ARSL: variants seen among roughly 807,000 people sequenced by gnomAD.
The protein encoded by ARSL is arylsulfatase E (chondrodysplasia punctata 1).
ARSL carries 4 observed loss-of-function variants against 31.1 expected under a neutral mutation model. The observed-to-expected ratio is 0.13, with a 90% CI of 0.06 to 0.29. The LOEUF (loss-of-function observed/expected upper bound fraction) is 0.29, where lower values mean the gene tolerates loss of function less well. Ranked by LOEUF, ARSL falls within the 10% of genes least tolerant of loss-of-function variation. ARSL has a pLI of 1.00. For synonymous variants in ARSL, 198 were observed against 209.9 expected (o/e 0.94, Z 0.49); for missense variants, 312 against 497.8 (o/e 0.63, Z 3.55).
At chrX:2,950,255 G>A (rs1163295823) in intron 5 of ARSL, among the ~76,000 whole-genome samples, 1 of 111,853 alleles carries the variant, frequency 8.9e-6, no homozygotes, top group African/African-American at 3.2e-5. Context: ...GCCCACTGTA[G>A]AGACCTCATC....
chrX:2,960,552 C>T, intron 1 of ARSL, 132 bp from the exon 2 acceptor site: 2 of 606,196 alleles, frequency 3.3e-6, no homozygotes, highest in South Asian at 2.9e-5. Flanking sequence ...TATCTTAAAA[C>T]AATGATCAAA....
intron 10 of ARSL, 111 bp from the exon 11 acceptor site, chrX:2,935,301 G>C: frequency 1.5e-6 from 1 of 686,773 alleles, no homozygotes; most frequent in Non-Finnish European, 2.3e-6. Context: ...GTCCATCGAT[G>C]GATGGACAGA....
At chrX:2,962,490 A>G (rs2089651452) in intron 1 of ARSL, among the ~76,000 whole-genome samples, 2 of 108,954 alleles carry the variant, frequency 1.8e-5, no homozygotes, top group African/African-American at 6.6e-5. Context: ...GTGTCTGTCC[A>G]GGTGAAACCT....
At chrX:2,945,020 G>A (rs1034236478) in intron 7 of ARSL, among the ~76,000 whole-genome samples, 1 of 110,227 alleles carries the variant, frequency 9.1e-6, no homozygotes, top group African/African-American at 3.3e-5. Flanking sequence ...AGAAGAAGAA[G>A]AAGAAGAGGG....
chrX:2,943,641 C>G (rs775287066), intron 7 of ARSL, among the ~76,000 whole-genome samples: 47 of 100,854 alleles, frequency 4.7e-4, no homozygotes, highest in Non-Finnish European at 8.0e-4. Flanking sequence ...ACTTGGGAGG[C>G]TGAGGCAGGA....
At chrX:2,946,198 G>C in intron 6 of ARSL, 64 bp from the exon 7 acceptor site, 2 of 1,063,365 alleles carry the variant, frequency 1.9e-6, no homozygotes, top group Non-Finnish European at 2.6e-6. Flanking sequence ...AAGTCCTGTA[G>C]ATACTAAATA....
At chrX:2,960,707 A>G (rs974695071) in intron 1 of ARSL, among the ~76,000 whole-genome samples, 4 of 111,403 alleles carry the variant, frequency 3.6e-5, no homozygotes, top group East Asian at 2.8e-4. Flanking sequence ...CATCCCCTTT[A>G]TCAGCTTTCA....
At chrX:2,957,720 AAAAAAG>A (rs2089545941) in intron 3 of ARSL, among the ~76,000 whole-genome samples, 1 of 109,586 alleles carries the variant, frequency 9.1e-6, no homozygotes. Context: ...AAAAAAAAAA[AAAAAAG>A]AAAAGAAATG....
At chrX:2,944,689 A>G (rs1751630114) in intron 7 of ARSL, among the ~76,000 whole-genome samples, 1 of 109,869 alleles carries the variant, frequency 9.1e-6, no homozygotes, top group Non-Finnish European at 1.9e-5. Context: ...TTTGGGAGGC[A>G]GGGATGTGCT....
chrX:2,948,647 C>G lies in ARSL; in HGVS notation c.854+657G>C, dbSNP rs769086146. ...CTGGGCCTACAAGTCCATGCCACCA[C>G]AGCCAGCTAATTTTTAAAATTTTTG... On this transcript the variant is annotated intron_variant, in intron 6 of 10. Transcript: ENST00000381134. Among the ~76,000 whole-genome samples, 25 of 111,356 alleles carry G rather than the reference C, an allele frequency of 2.2e-4. No homozygotes were observed. In the Admixed American group the frequency reaches 2.4e-3, roughly 11 times the overall value.
At chrX:2,953,051 A>G in intron 5 of ARSL, 92 bp downstream of exon 5, 1 of 1,057,584 alleles carries the variant, frequency 9.5e-7, no homozygotes, top group Non-Finnish European at 1.3e-6. Flanking sequence ...GAAATCCCAC[A>G]GCACCTCACC....
rs756748112 is a variant in ARSL at position 2,962,872 on chromosome X, C to T, written c.-21+1352G>A. Among the ~76,000 whole-genome samples, 5 of 111,413 alleles carry T rather than the reference C, an allele frequency of 4.5e-5. No homozygotes were observed. The South Asian group carries it at 1.2e-3, about 26-fold the overall frequency. Reference sequence around the variant, plus strand: ...TCTGATTGCCTCCTTTGGAAAGGCTCATCAGAAACTCAAAAGAAGGCAACT... The same window carrying T: ...TCTGATTGCCTCCTTTGGAAAGGCTTATCAGAAACTCAAAAGAAGGCAACT... On this transcript the variant is annotated intron_variant, in intron 1 of 10. Coordinates refer to ENST00000381134, the MANE Select transcript of ARSL (RefSeq NM_000047.3).
chrX:2,949,357 G>C lies in ARSL; in HGVS notation c.801C>G (p.Cys267Trp). The change falls in exon 6 of 11, where the codon TGC (cysteine) becomes TGG (tryptophan). Residue 267 changes from cysteine (C) to tryptophan (W), a missense_variant. Coordinates refer to ENST00000381134, the MANE Select transcript of ARSL (RefSeq NM_000047.3). ...RNHTITEQPM[C>W]FQRTTPLILQ... ...GAATAAGGGGTGTCGTTCTTTGGAA[G>C]CACATGGGCTGCTCCGTGATGGTGT... The C allele has an allele frequency of 8.3e-7, 1 of 1,211,835 alleles. No individual in the cohort carries two copies. The highest frequency in any genetic ancestry group is 1.7e-5 in the African/African-American group (1 of 57,796).
rs754500316 is a variant in ARSL, at chrX:2,938,221, C to A, written c.1163G>T (p.Arg388Leu). 1.7e-6 allele frequency: 2 copies of A among 1,210,763 alleles called. No homozygotes were observed. Among genetic ancestry groups the A allele is most frequent in the East Asian group, 5.9e-5 (2 of 33,744 alleles). ...KGMGGWEGGI[R>L]VPGIFRWPGV... is the part of the protein sequence containing the mutation. ...GGGCCAGCGGAAGATCCCGGGCACG[C>A]GGATCCCACCTTCCCATCCTCCCAT... Residue 388 changes from arginine to leucine, a missense_variant, in exon 9 of 11, where the codon CGC becomes CTC. By Grantham distance (102) the Arg-to-Leu change is moderately radical. Transcript: ENST00000381134.
At chrX:2,945,792 C>T (rs1010920786) in intron 7 of ARSL, among the ~76,000 whole-genome samples, 1 of 112,270 alleles carries the variant, frequency 8.9e-6, no homozygotes, top group South Asian at 3.7e-4. Context: ...TTGGCCGAAT[C>T]GCATTGCCTC....
At chrX:2,936,020 A>T (rs12853008) in intron 10 of ARSL, among the ~76,000 whole-genome samples, 1 of 110,799 alleles carries the variant, frequency 9.0e-6, no homozygotes, top group Admixed American at 9.6e-5. Flanking sequence ...ACATACTGAG[A>T]CCTTGTTTCA....
In ARSL at chrX:2,934,538, C is replaced by T; in HGVS notation, c.*294G>A. 1 of 267,896 alleles carries T rather than the reference C, an allele frequency of 3.7e-6. No individual in the cohort carries two copies. The highest frequency in any genetic ancestry group is 6.6e-6 in the Non-Finnish European group (1 of 151,213). The allele number at this position is 267,896 out of a possible 1,213,427, so 22.1% of individuals were successfully genotyped here. On this transcript the variant is annotated 3_prime_UTR_variant, in exon 11 of 11. Coordinates refer to ENST00000381134, the MANE Select transcript of ARSL (RefSeq NM_000047.3). Reference sequence around the variant, plus strand: ...TTGCCCAGGCTGGGGTGCAGTGGTACAATCATAGCTCAGTACAGCCTCCAA... The same window carrying T: ...TTGCCCAGGCTGGGGTGCAGTGGTATAATCATAGCTCAGTACAGCCTCCAA...
At chrX:2,952,842 A>C (rs933784926) in intron 5 of ARSL, 10 of 177,427 alleles carry the variant, frequency 5.6e-5, no homozygotes, top group Non-Finnish European at 1.1e-4. Context: ...TTTTTTGTAG[A>C]CGTGGGGTCT....
At chrX:2,937,393 C>CAA (rs752865403) in intron 9 of ARSL, among the ~76,000 whole-genome samples, 2 of 70,915 alleles carry the variant, frequency 2.8e-5, no homozygotes, top group African/African-American at 5.2e-5. Context: ...GACTCAGTCT[C>CAA]AAAAAAAAAA....
Sources: allele counts gnomAD v4.1 joint callset (sites outside exome capture counted in the v4.1 genomes callset), GRCh38; gene constraint gnomAD v4.1.1; transcripts MANE v1.5; gene names NCBI Gene and HGNC (gene_info 2026-07-23, HGNC 2026-07-21).